MAMLD1: variants seen among roughly 807,000 people sequenced by gnomAD.
MAMLD1 encodes mastermind like domain containing 1, also known as mastermind-like domain-containing protein 1.
Under a neutral mutation model 45.0 loss-of-function variants are expected in MAMLD1, and 14 were observed. The ratio of observed to expected loss-of-function variants is 0.31; its 90% CI spans 0.21 to 0.49. MAMLD1 has a LOEUF of 0.49. MAMLD1 is among the 20% of genes least tolerant of loss of function. The pLI is 0.99. For synonymous variants in MAMLD1, 254 were observed against 247.8 expected (o/e 1.02, Z -0.24); for missense variants, 543 against 603.6 (o/e 0.90, Z 1.05).
At chrX:150,369,216 A>T (rs1175260570) in intron 1 of MAMLD1, among the ~76,000 whole-genome samples, 2 of 111,054 alleles carry the variant, frequency 1.8e-5, no homozygotes, top group Non-Finnish European at 3.8e-5. Flanking sequence ...GAGCTGGGAA[A>T]CTTGTGTTCT....
At chrX:150,376,294 G>C (rs1296142395) in intron 1 of MAMLD1, among the ~76,000 whole-genome samples, 1 of 112,270 alleles carries the variant, frequency 8.9e-6, no homozygotes, top group Non-Finnish European at 1.9e-5. Flanking sequence ...GGTGGGGACT[G>C]TGACTGTTAC....
rs1365699467 is a variant in MAMLD1, at chrX:150,512,006, G to A, written c.*47G>A. ...CACTTCTCTCTTTCTGTATGTAGCC[G>A]TCCAAGAACAAGTCACCTCCAAGTG... is the stretch of plus-strand genomic sequence containing the variant. On this transcript the variant is annotated splice_region_variant and 3_prime_UTR_variant, in exon 8 of 8. Coordinates refer to ENST00000370401, the MANE Select transcript of MAMLD1 (RefSeq NM_005491.5). 1.3e-5 allele frequency: 14 copies of A among 1,080,057 alleles called. No individual in the cohort carries two copies. The highest frequency in any genetic ancestry group is 1.0e-4 in the Admixed American group (3 of 29,930). The allele number at this position is 1,080,057 out of a possible 1,213,427, so 89.0% of individuals were successfully genotyped here.
At chrX:150,495,969 C>T (rs1455578661) in intron 5 of MAMLD1, among the ~76,000 whole-genome samples, 6 of 111,770 alleles carry the variant, frequency 5.4e-5, no homozygotes, top group African/African-American at 1.9e-4. Context: ...CTCCTATTCT[C>T]TCTATCCTGG....
At chrX:150,424,592 T>C (rs1196267497) in intron 1 of MAMLD1, among the ~76,000 whole-genome samples, 1 of 112,461 alleles carries the variant, frequency 8.9e-6, no homozygotes, top group African/African-American at 3.2e-5. Flanking sequence ...CCAGTCTTGC[T>C]AATGGTAGAG....
chrX:150,439,708 G>C (rs1434846715), intron 1 of MAMLD1, among the ~76,000 whole-genome samples: 12 of 111,831 alleles, frequency 1.1e-4, no homozygotes, highest in African/African-American at 3.9e-4. Flanking sequence ...GCTGAGGCTA[G>C]CGAATCACTT....
rs184532427 is a variant in MAMLD1, at chrX:150,500,211, C to T, written c.2041-3063C>T. On this transcript the variant is annotated intron_variant, in intron 5 of 7. Coordinates refer to ENST00000370401, the MANE Select transcript of MAMLD1 (RefSeq NM_005491.5). ...TTTCCAGGGTGGAGGAGCTTCATCT[C>T]GAAAGACACACAGAATTCCCAGAGT... Among the ~76,000 whole-genome samples, 17 of 111,531 alleles carry T rather than the reference C, an allele frequency of 1.5e-4. No homozygotes were observed. In the East Asian group the frequency reaches 4.5e-3, roughly 30 times the overall value.
In MAMLD1 at chrX:150,513,646, A is replaced by G; in HGVS notation, c.*1687A>G. On this transcript the variant is annotated 3_prime_UTR_variant, in exon 8 of 8. Transcript: ENST00000370401. Reference sequence around the variant, plus strand: ...CTAGCTCTTTCCTAATGAGCTTTACAGCAGAAGCCGTTTTATCGTTAAGTG... The same window carrying G: ...CTAGCTCTTTCCTAATGAGCTTTACGGCAGAAGCCGTTTTATCGTTAAGTG... 2 of 297,963 alleles carry G rather than the reference A, an allele frequency of 6.7e-6. No homozygotes were observed. Among genetic ancestry groups the G allele is most frequent in the Non-Finnish European group, 1.2e-5 (2 of 170,783 alleles). 24.6% of individuals were successfully genotyped at this position (297,963 alleles called of 1,213,427 possible).
intron 1 of MAMLD1, among the ~76,000 whole-genome samples, chrX:150,381,040 C>A (rs2032581608): frequency 9.0e-6 from 1 of 110,819 alleles, no homozygotes; most frequent in Admixed American, 9.5e-5. Flanking sequence ...CTATCGCAGC[C>A]CCATTTTACA....
At chrX:150,369,120 G>C (rs927646128) in intron 1 of MAMLD1, among the ~76,000 whole-genome samples, 3 of 111,437 alleles carry the variant, frequency 2.7e-5, no homozygotes, top group African/African-American at 6.5e-5. Flanking sequence ...TAGCTTGATG[G>C]GGATGGCATT....
Position 150,414,028 on chromosome X carries a change from C to CAAAAAAAAAAAAAA in MAMLD1, c.-63-31419_-63-31406dup, listed in dbSNP as rs56866886. ...AGCATTAAGGAACCACAGAAAACTG[C>CAAAAAAAAAAAAAA]AAAAAAAAAAAAAAAAAAAAGAGCC... On this transcript the variant is annotated intron_variant, in intron 1 of 7. Coordinates refer to ENST00000370401, the MANE Select transcript of MAMLD1 (RefSeq NM_005491.5). 4.5e-4 allele frequency among the ~76,000 whole-genome samples: 14 copies of CAAAAAAAAAAAAAA among 31,329 alleles called. 1 individual carries two copies. Among genetic ancestry groups the CAAAAAAAAAAAAAA allele is most frequent in the Non-Finnish European group, 6.4e-4 (13 of 20,184 alleles). 27.2% of individuals were successfully genotyped at this position (31,329 alleles called of 115,157 possible). A position where few individuals can be genotyped will look rare whatever the true frequency, so the allele number is the denominator to read the frequency against.
At chrX:150,494,879 T>C (rs1228213678) in intron 5 of MAMLD1, among the ~76,000 whole-genome samples, 1 of 96,029 alleles carries the variant, frequency 1.0e-5, no homozygotes, top group Non-Finnish European at 2.1e-5. Flanking sequence ...AGTGATACCC[T>C]GCCTCAATAC....
rs144873685 is a variant in MAMLD1, at chrX:150,428,914, G to A, written c.-63-16540G>A. ...CACCAGTCCCCTTTACATTGGCTCC[G>A]GGTGTCACAAAGGGGGAAGGCATAA... On this transcript the variant is annotated intron_variant, in intron 1 of 7. Coordinates refer to ENST00000370401, the MANE Select transcript of MAMLD1 (RefSeq NM_005491.5). Among the ~76,000 whole-genome samples, 45 of 111,864 alleles carry A rather than the reference G, an allele frequency of 4.0e-4. No individual in the cohort carries two copies. In the East Asian group the frequency reaches 8.0e-3, roughly 20 times the overall value.
rs782428670 is a variant in MAMLD1 at position 150,471,092 on chromosome X, T to G, written c.1519T>G (p.Phe507Val). The G allele has an allele frequency of 9.9e-6, 12 of 1,208,662 alleles. No homozygotes were observed. The Admixed American group carries it at 2.6e-4, about 26-fold the overall frequency. Residue 507 changes from phenylalanine to valine, a missense_variant, in exon 4 of 8, where the codon TTT becomes GTT. By Grantham distance (50) the Phe-to-Val change is conservative. Coordinates refer to ENST00000370401, the MANE Select transcript of MAMLD1 (RefSeq NM_005491.5). ...GCAGCAGCAGCAAGCAAATGTGATC[T>G]TTAAGCCCATAAGCAGCAACTCATC... ...QQQQQQANVI[F>V]KPISSNSSKT...
intron 2 of MAMLD1, among the ~76,000 whole-genome samples, chrX:150,452,726 A>G (rs1464205570): frequency 9.6e-6 from 1 of 104,360 alleles, no homozygotes; most frequent in Non-Finnish European, 2.0e-5. Flanking sequence ...AGCATTAGGT[A>G]TATCTCCCAA....
chrX:150,487,088 G>GGCTGCTGCT (rs781938024), intron 5 of MAMLD1, among the ~76,000 whole-genome samples: 5 of 111,155 alleles, frequency 4.5e-5, no homozygotes, highest in South Asian at 3.8e-4. Context: ...GATTTCCAGG[G>GGCTGCTGCT]GCTGCTGCTG....
chrX:150,398,326 G>T (rs2033574670), intron 1 of MAMLD1, among the ~76,000 whole-genome samples: 3 of 88,080 alleles, frequency 3.4e-5, no homozygotes, highest in African/African-American at 1.3e-4. Flanking sequence ...AGAAGAAGAA[G>T]AAGAAGAAGA....
chrX:150,438,729 A>T (rs184827568), intron 1 of MAMLD1, among the ~76,000 whole-genome samples: 264 of 112,454 alleles, frequency 2.3e-3, no homozygotes, highest in Middle Eastern at 0.018. Context: ...CACTGTGTGG[A>T]TATACCAAAA....
At chrX:150,503,148 C>G in intron 5 of MAMLD1, 126 bp from the exon 6 acceptor site, 1 of 615,498 alleles carries the variant, frequency 1.6e-6, no homozygotes. Context: ...TTCGTTCCAC[C>G]AAAGCAGTTG....
chrX:150,376,652 C>T lies in MAMLD1; in HGVS notation c.-64+13122C>T, dbSNP rs180903203. Among the ~76,000 whole-genome samples, 13 of 111,438 alleles carry T rather than the reference C, an allele frequency of 1.2e-4. No homozygotes were observed. In the Admixed American group the frequency reaches 1.2e-3, roughly 11 times the overall value. On this transcript the variant is annotated intron_variant, in intron 1 of 7. Coordinates refer to ENST00000370401, the MANE Select transcript of MAMLD1 (RefSeq NM_005491.5). ...TTCTAGCTATCAGATACTAGCTTATCAGAATGGAATTTTTATTCTCCACCC... is the reference window on the plus strand; with the variant it reads ...TTCTAGCTATCAGATACTAGCTTATTAGAATGGAATTTTTATTCTCCACCC...
Sources: allele counts gnomAD v4.1 joint callset (sites outside exome capture counted in the v4.1 genomes callset), GRCh38; gene constraint gnomAD v4.1.1; transcripts MANE v1.5; gene names NCBI Gene and HGNC (gene_info 2026-07-23, HGNC 2026-07-21).